SLC2A13: variants seen among roughly 807,000 people sequenced by gnomAD.
SLC2A13 encodes the protein solute carrier family 2 member 13.
SLC2A13 carries 32 observed loss-of-function variants against 64.4 expected under a neutral mutation model. The observed-to-expected ratio is 0.50, with a 90% confidence interval of 0.37 to 0.67. The LOEUF (loss-of-function observed/expected upper bound fraction) is 0.67, where lower values mean the gene tolerates loss of function less well. Ranked by LOEUF, SLC2A13 falls within the 30% of genes least tolerant of loss-of-function variation. The probability of loss-of-function intolerance (pLI) is 0.00; values close to 1 mark genes in which losing one functional copy is unlikely to be tolerated. For missense variants in SLC2A13, 743 were observed against 829.2 expected, an observed-to-expected ratio of 0.90 and a Z score of 1.28; for synonymous variants, 338 against 327.1, an observed-to-expected ratio of 1.03 and a Z score of -0.36.
At chr12:39,953,783 T>C (rs1345412024) in intron 3 of SLC2A13, among the ~76,000 whole-genome samples, 2 of 152,070 alleles carry the variant, frequency 1.3e-5, no homozygotes, top group East Asian at 1.9e-4. Flanking sequence ...GATCCCAAAA[T>C]GAGCTCATCC....
intron 6 of SLC2A13, among the ~76,000 whole-genome samples, chr12:39,831,080 A>C (rs564863043): frequency 3.0e-4 from 46 of 152,194 alleles, no homozygotes; most frequent in Non-Finnish European, 6.2e-4. Flanking sequence ...AAAATTCTGG[A>C]GCACTTTACA....
In SLC2A13 at chr12:39,951,257, A is replaced by C; in HGVS notation, c.1034T>G (p.Met345Arg). 1 of 1,612,254 alleles carries C rather than the reference A, an allele frequency of 6.2e-7. No individual in the cohort carries two copies. Among genetic ancestry groups the C allele is most frequent in the Non-Finnish European group, 8.5e-7 (1 of 1,178,896 alleles). Residue 345 changes from methionine (M) to arginine (R), a missense_variant and splice_region_variant, in exon 4 of 10, where the codon ATG (methionine) becomes AGG (arginine). Physicochemically the swap from Met to Arg is moderately conservative, Grantham distance 91 (BLOSUM62 -1). Coordinates refer to ENST00000280871, the MANE Select transcript of SLC2A13 (RefSeq NM_052885.4). ...TAAAAAGCCAGAAAGAAATACATAC[A>C]TGATGGTGTTAATGCCTGAGAGCTG... ...FQQLSGINTIMYYSATILQMS... is the reference protein window; with the variant it reads ...FQQLSGINTIRYYSATILQMS...
intron 4 of SLC2A13, among the ~76,000 whole-genome samples, chr12:39,943,810 T>C (rs1434080587): frequency 2.0e-5 from 3 of 152,198 alleles, no homozygotes; most frequent in African/African-American, 7.2e-5. Flanking sequence ...CCACGGTCTT[T>C]GCAAACCGCA....
chr12:39,793,396 C>G (rs1425346887), intron 7 of SLC2A13, among the ~76,000 whole-genome samples: 1 of 151,920 alleles, frequency 6.6e-6, no homozygotes, highest in Non-Finnish European at 1.5e-5. Context: ...TCAATTCATC[C>G]CAAATTGATC....
At chr12:39,972,152 T>C (rs1946674381) in intron 3 of SLC2A13, among the ~76,000 whole-genome samples, 1 of 119,260 alleles carries the variant, frequency 8.4e-6, no homozygotes, top group South Asian at 2.7e-4. Context: ...AAATATACTC[T>C]TTCAGAGTTA....
chr12:39,856,588 C>T (rs1418817241), intron 6 of SLC2A13, among the ~76,000 whole-genome samples: 3 of 152,098 alleles, frequency 2.0e-5, no homozygotes, highest in Non-Finnish European at 4.4e-5. Context: ...AGGATGGTCT[C>T]GATCTCTTGA....
At chr12:39,997,422 C>CA (rs1947249741) in intron 3 of SLC2A13, among the ~76,000 whole-genome samples, 1 of 152,040 alleles carries the variant, frequency 6.6e-6, no homozygotes, top group South Asian at 2.1e-4. Flanking sequence ...AGACAATTCT[C>CA]AAAAGAAGAT....
intron 1 of SLC2A13, among the ~76,000 whole-genome samples, chr12:40,073,651 T>C (rs1938052015): frequency 6.6e-6 from 1 of 152,010 alleles, no homozygotes; most frequent in African/African-American, 2.4e-5. Context: ...TTTAACAGGG[T>C]ACAAAATCCT....
In SLC2A13 at chr12:39,830,316, CA is replaced by C; in HGVS notation, c.1320-89del. 3 of 1,535,668 alleles carry C rather than the reference CA, an allele frequency of 2.0e-6. No homozygotes were observed. The South Asian group carries it at 3.8e-5, about 20-fold the overall frequency. On this transcript the variant is annotated intron_variant, in intron 6 of 9. Coordinates refer to ENST00000280871, the MANE Select transcript of SLC2A13 (RefSeq NM_052885.4). ...ATTCCATGTGCTTCTCTGCATTTTC[CA>C]CTCTCTTGTGCAGTAAGCTTGGGGC...
At chr12:40,007,203 T>C (rs1473233572) in intron 3 of SLC2A13, among the ~76,000 whole-genome samples, 1 of 152,194 alleles carries the variant, frequency 6.6e-6, no homozygotes, top group Non-Finnish European at 1.5e-5. Context: ...GGGAACTCAT[T>C]CATAATTTTC....
Position 39,831,671 on chromosome 12 carries a change from C to T in SLC2A13, c.1320-1443G>A, listed in dbSNP as rs892596052. 2.0e-5 allele frequency among the ~76,000 whole-genome samples: 3 copies of T among 151,968 alleles called. No homozygotes were observed. In the East Asian group the frequency reaches 5.8e-4, roughly 29 times the overall value. ...GGTATTGAATCATGGGGGAAAGATC[C>T]CTCATGAATGGTTTAGTGCCATCCC... On this transcript the variant is annotated intron_variant, in intron 6 of 9. Coordinates refer to ENST00000280871, the MANE Select transcript of SLC2A13 (RefSeq NM_052885.4).
intron 4 of SLC2A13, among the ~76,000 whole-genome samples, chr12:39,897,850 A>G (rs1383331802): frequency 1.3e-5 from 2 of 152,164 alleles, no homozygotes; most frequent in South Asian, 2.1e-4. Context: ...CACAAAATGT[A>G]TATGTGCATA....
rs1293792045 is a variant in SLC2A13 at position 39,816,760 on chromosome 12, A to G, written c.1445+13343T>C. ...ATGGGTCTCCTTTGGTTATGCTGCA[A>G]GAACCTCTCACCATTTGCCTTCATC... On this transcript the variant is annotated intron_variant, in intron 7 of 9. Coordinates refer to ENST00000280871, the MANE Select transcript of SLC2A13 (RefSeq NM_052885.4). Among the ~76,000 whole-genome samples the G allele has an allele frequency of 2.0e-5, 3 of 152,102 alleles. No homozygotes were observed. In the East Asian group the frequency reaches 5.8e-4, roughly 29 times the overall value.
chr12:39,823,083 G>A (rs1942570301), intron 7 of SLC2A13, among the ~76,000 whole-genome samples: 1 of 152,078 alleles, frequency 6.6e-6, no homozygotes, highest in African/African-American at 2.4e-5. Context: ...ATTATTTATG[G>A]GTAGATGAAA....
chr12:39,779,565 A>T (rs1940904056), intron 7 of SLC2A13, among the ~76,000 whole-genome samples: 1 of 152,194 alleles, frequency 6.6e-6, no homozygotes, highest in South Asian at 2.1e-4. Flanking sequence ...AATGTTAATT[A>T]AAAAAATTAA....
At chr12:39,804,060 G>T (rs1292099536) in intron 7 of SLC2A13, among the ~76,000 whole-genome samples, 1 of 151,920 alleles carries the variant, frequency 6.6e-6, no homozygotes, top group Non-Finnish European at 1.5e-5. Flanking sequence ...GAAAAAAACT[G>T]GTGTGCATGT....
At chr12:39,821,851 A>C (rs1942520549) in intron 7 of SLC2A13, among the ~76,000 whole-genome samples, 1 of 152,206 alleles carries the variant, frequency 6.6e-6, no homozygotes, top group Non-Finnish European at 1.5e-5. Flanking sequence ...TTTGAACAAT[A>C]ATACAATCGA....
chr12:39,829,570 C>T (rs1461290462), intron 7 of SLC2A13: 1 of 159,634 alleles, frequency 6.3e-6, no homozygotes, highest in East Asian at 1.8e-4. Flanking sequence ...TGTGCCACCA[C>T]TCTCAGCTAA....
At chr12:39,848,412 C>A (rs1943377763) in intron 6 of SLC2A13, among the ~76,000 whole-genome samples, 1 of 152,020 alleles carries the variant, frequency 6.6e-6, no homozygotes, top group Non-Finnish European at 1.5e-5. Context: ...AGCCAAGGAG[C>A]ATATGAAAAA....
Sources: gnomAD v4.1 joint callset for allele counts (sites outside exome capture counted in the v4.1 genomes callset) on GRCh38, gnomAD v4.1.1 for gene constraint, MANE v1.5 for transcripts, NCBI Gene and HGNC (gene_info 2026-07-23, HGNC 2026-07-21) for gene names.